TGM2: variants seen among roughly 807,000 people sequenced by gnomAD.
The protein encoded by TGM2 is protein-glutamine gamma-glutamyltransferase 2.
Under a neutral mutation model 75.6 loss-of-function variants are expected in TGM2, and 53 were observed. The observed-to-expected ratio is 0.70, with a 90% CI of 0.56 to 0.88. The LOEUF is 0.88. Ranked by LOEUF, TGM2 falls within the 40% of genes least tolerant of loss-of-function variation. TGM2 has a pLI of 0.00. For missense variants in TGM2, 842 were observed against 928.5 expected, an observed-to-expected ratio of 0.91 and a Z score of 1.21; for synonymous variants, 374 against 381.1, an observed-to-expected ratio of 0.98 and a Z score of 0.22.
At chr20:38,134,373 C>G (rs2074871762) in intron 10 of TGM2, among the ~76,000 whole-genome samples, 1 of 152,178 alleles carries the variant, frequency 6.6e-6, no homozygotes, top group African/African-American at 2.4e-5. Context: ...TAGGTCAAGA[C>G]CTGGTGGTGC....
At chr20:38,153,532 AG>A (rs1209241143) in intron 3 of TGM2, among the ~76,000 whole-genome samples, 32 of 150,130 alleles carry the variant, frequency 2.1e-4, no homozygotes, top group African/African-American at 6.9e-4. Flanking sequence ...CTCAAAAAAA[AG>A]AAAAAAAAAA....
chr20:38,161,575 A>G lies in TGM2; in HGVS notation c.35T>C (p.Leu12Pro), dbSNP rs748370808. 1 of 1,614,194 alleles carries G rather than the reference A, an allele frequency of 6.2e-7. No individual in the cohort carries two copies. Among genetic ancestry groups the G allele is most frequent in the South Asian group, 1.1e-5 (1 of 91,082 alleles). The change falls in exon 2 of 13, where the codon CTG (leucine) becomes CCG (proline). Residue 12 changes from leucine to proline, a missense_variant. Coordinates refer to ENST00000361475, the MANE Select transcript of TGM2 (RefSeq NM_004613.4). Reference protein sequence around the residue: ...AEELVLERCDLELETNGRDHH... With the variant: ...AEELVLERCDPELETNGRDHH... ...GTCTCGGCCATTGGTCTCCAGCTCC[A>G]GATCACACCTCTCTAAGACCAGCTC...
At chr20:38,140,924 TATAC>T (rs1023926090) in intron 8 of TGM2, among the ~76,000 whole-genome samples, 18 of 152,244 alleles carry the variant, frequency 1.2e-4, no homozygotes, top group African/African-American at 4.3e-4. Flanking sequence ...TGTGTGTTTA[TATAC>T]ATACATATAT....
chr20:38,141,396 TA>T lies in TGM2; in HGVS notation c.996-12del, dbSNP rs554223128. ...CAGCAGTGGAAGTTCCTGAGGGGGA[TA>T]GGGGGGCGGGAATGAAGCAGAACAT... On this transcript the variant is annotated splice_polypyrimidine_tract_variant and intron_variant, in intron 7 of 12. Transcript: ENST00000361475. 1.0e-4 allele frequency: 159 copies of T among 1,562,540 alleles called. 1 individual carries two copies. In the African/African-American group the frequency reaches 1.7e-3, roughly 17 times the overall value.
intron 4 of TGM2, among the ~76,000 whole-genome samples, chr20:38,150,374 C>T (rs866693789): frequency 3.3e-5 from 5 of 152,256 alleles, no homozygotes; most frequent in Middle Eastern, 6.8e-3. Context: ...TGTTTTTAGC[C>T]CCTAAATTTC....
chr20:38,135,414 C>T (rs1004041629), intron 10 of TGM2, among the ~76,000 whole-genome samples: 39 of 151,764 alleles, frequency 2.6e-4, no homozygotes, highest in Non-Finnish European at 4.4e-4. Context: ...TACACACACA[C>T]ACACACACAC....
In TGM2 at chr20:38,141,274, C is replaced by T; in HGVS notation, c.1099+8G>A. On this transcript the variant is annotated splice_region_variant and intron_variant, in intron 8 of 12. Transcript: ENST00000361475. The stretch of plus-strand genomic sequence containing the variant: ...ATCTGTTTGACGCGACAGTGCCCGC[C>T]CACGCACCTTCGCTCTTCTCCTGGG... The T allele has an allele frequency of 1.3e-6, 2 of 1,561,284 alleles. No homozygotes were observed. The highest frequency in any genetic ancestry group is 1.7e-6 in the Non-Finnish European group (2 of 1,151,668).
rs775582329 is a variant in TGM2 at position 38,161,410 on chromosome 20, A to G, written c.190+10T>C. On this transcript the variant is annotated intron_variant, in intron 2 of 12. Coordinates refer to ENST00000361475, the MANE Select transcript of TGM2 (RefSeq NM_004613.4). ...GGTGGTGGTGGTGGAGTGGGGTTGC[A>G]GGTACTCACCGGTCACGACACTGAA... 1.2e-6 allele frequency: 2 copies of G among 1,613,674 alleles called. No homozygotes were observed. Among genetic ancestry groups the G allele is most frequent in the Non-Finnish European group, 8.5e-7 (1 of 1,179,788 alleles).
At chr20:38,146,588 G>T in intron 6 of TGM2, 129 bp downstream of exon 6, 1 of 1,123,422 alleles carries the variant, frequency 8.9e-7, no homozygotes, top group Non-Finnish European at 1.3e-6. Flanking sequence ...ACAGGCTCTA[G>T]GCCACATAGC....
At chr20:38,152,202 G>T (rs1448282479) in intron 3 of TGM2, among the ~76,000 whole-genome samples, 1 of 152,064 alleles carries the variant, frequency 6.6e-6, no homozygotes, top group Non-Finnish European at 1.5e-5. Context: ...AGTTTCTCAG[G>T]CCCCAGGCAC....
At chr20:38,167,639 C>T (rs1204260783), upstream of TGM2, among the ~76,000 whole-genome samples, 1 of 152,164 alleles carries the variant, frequency 6.6e-6, no homozygotes, top group East Asian at 1.9e-4. Context: ...GTGCCCAGCC[C>T]ACGAGAGATT....
chr20:38,133,558 G>A (rs1450842895), intron 10 of TGM2: 1 of 152,392 alleles, frequency 6.6e-6, no homozygotes, highest in African/African-American at 2.4e-5. Flanking sequence ...AGCATTTTAA[G>A]GATTCATGTA....
intron 9 of TGM2, among the ~76,000 whole-genome samples, 165 bp downstream of exon 9, chr20:38,139,247 G>T (rs1357791978): frequency 6.6e-6 from 1 of 152,096 alleles, no homozygotes; most frequent in East Asian, 1.9e-4. Flanking sequence ...CAACATGTTT[G>T]CTCCTGTTTC....
intron 8 of TGM2, 88 bp from the exon 9 acceptor site, chr20:38,139,742 CCAA>C: frequency 1.3e-6 from 2 of 1,561,380 alleles, no homozygotes; most frequent in East Asian, 4.6e-5. Context: ...TCACATGTAG[CCAA>C]AAACCTCAAG....
chr20:38,130,945 C>T, intron 12 of TGM2, 148 bp downstream of exon 12: 1 of 1,257,852 alleles, frequency 8.0e-7, no homozygotes, highest in Non-Finnish European at 1.1e-6. Context: ...GGAACTCTAG[C>T]CCCAGGGTGT....
chr20:38,137,962 T>TA, intron 10 of TGM2, 151 bp downstream of exon 10: 3 of 1,440,520 alleles, frequency 2.1e-6, no homozygotes, highest in Non-Finnish European at 2.7e-6. Flanking sequence ...AGTGGGTTGA[T>TA]ATTTATAAAG....
At position 38,141,404 on chromosome 20, in the gene TGM2, C is replaced by G; in HGVS notation, c.996-19G>C. 1 of 1,544,390 alleles carries G rather than the reference C, an allele frequency of 6.5e-7. No homozygotes were observed. The highest frequency in any genetic ancestry group is 8.8e-7 in the Non-Finnish European group (1 of 1,136,930). On this transcript the variant is annotated intron_variant, in intron 7 of 12. Transcript: ENST00000361475. Reference sequence around the variant, plus strand: ...GAAGTTCCTGAGGGGGATAGGGGGGCGGGAATGAAGCAGAACATGAGCAAC... The same window carrying G: ...GAAGTTCCTGAGGGGGATAGGGGGGGGGGAATGAAGCAGAACATGAGCAAC...
At chr20:38,139,346 C>A in intron 9 of TGM2, 66 bp downstream of exon 9, 1 of 1,612,164 alleles carries the variant, frequency 6.2e-7, no homozygotes, top group Non-Finnish European at 8.5e-7. Context: ...CATACACGAG[C>A]CTGCCGGGCT....
chr20:38,159,216 A>T (rs2075224489), intron 2 of TGM2, among the ~76,000 whole-genome samples: 1 of 152,194 alleles, frequency 6.6e-6, no homozygotes, highest in African/African-American at 2.4e-5. Flanking sequence ...GTGAAAGAAG[A>T]GGAAAGAAGG....
Sources: gnomAD v4.1 joint callset for allele counts (sites outside exome capture counted in the v4.1 genomes callset) on GRCh38, gnomAD v4.1.1 for gene constraint, MANE v1.5 for transcripts, NCBI Gene and HGNC (gene_info 2026-07-23, HGNC 2026-07-21) for gene names.